The following KIRREL3 variants were observed in gnomAD, a reference collection of about 807,000 sequenced individuals.
The protein encoded by KIRREL3 is kin of IRRE-like protein 3.
A neutral mutation model predicts 89.7 loss-of-function variants in KIRREL3; 36 were observed. The observed-to-expected ratio is 0.40, with a 90% CI of 0.31 to 0.53. The LOEUF is 0.53. KIRREL3 is among the 20% of genes least tolerant of loss of function. The pLI is 0.49. For synonymous variants in KIRREL3, 445 were observed against 441.4 expected (o/e 1.01, Z -0.10); for missense variants, 864 against 1,056.6 (o/e 0.82, Z 2.53).
At position 126,653,683 on chromosome 11, in the gene KIRREL3, G is replaced by T. The variant is rs995580509; in HGVS notation, c.56-90771C>A. Reference sequence around the variant, plus strand: ...GCAGCATTCAATGTGACACGCCAGGGCAATGAGAAACGGGAGGGGCTGCGT... The same window carrying T: ...GCAGCATTCAATGTGACACGCCAGGTCAATGAGAAACGGGAGGGGCTGCGT... On this transcript the variant is annotated intron_variant, in intron 1 of 16. Coordinates refer to ENST00000525144, the MANE Select transcript of KIRREL3 (RefSeq NM_032531.4). The surrounding 1 kb of genome is among the most constrained non-coding windows in gnomAD (Gnocchi z 5.4). Among the ~76,000 whole-genome samples the T allele has an allele frequency of 6.6e-6, 1 of 152,158 alleles. No individual in the cohort carries two copies. The highest frequency in any genetic ancestry group is 1.5e-5 in the Non-Finnish European group (1 of 68,032).
At position 126,601,845 on chromosome 11, in the gene KIRREL3, G is replaced by T. The variant is rs1565584102; in HGVS notation, c.56-38933C>A. Among the ~76,000 whole-genome samples the T allele has an allele frequency of 6.6e-6, 1 of 152,184 alleles. No homozygotes were observed. The highest frequency in any genetic ancestry group is 6.5e-5 in the Admixed American group (1 of 15,280). On this transcript the variant is annotated intron_variant, in intron 1 of 16. Coordinates refer to ENST00000525144, the MANE Select transcript of KIRREL3 (RefSeq NM_032531.4). This position sits in a 1 kb window ranked among gnomAD's most constrained non-coding sequence, Gnocchi z 5.8. ...TGCCATCTCCCGTTTTTAAGGACTGGACTAAAGGTGGAGGTCTTGGCCTGA... is the reference window on the plus strand; with the variant it reads ...TGCCATCTCCCGTTTTTAAGGACTGTACTAAAGGTGGAGGTCTTGGCCTGA...
intron 1 of KIRREL3, among the ~76,000 whole-genome samples, chr11:126,841,346 C>G (rs1298664160): frequency 6.6e-6 from 1 of 152,144 alleles, no homozygotes; most frequent in African/African-American, 2.4e-5. Context: ...GGCGTGTTAA[C>G]CTAGTTGGAA....
In KIRREL3 at chr11:126,635,858, C is replaced by G. The variant is rs1456696972; in HGVS notation, c.56-72946G>C. ...AATGAGACACCCTGTCCTTCTCCCT[C>G]AAGACATCCTCTTTGTTTCTCATTC... On this transcript the variant is annotated intron_variant, in intron 1 of 16. Coordinates refer to ENST00000525144, the MANE Select transcript of KIRREL3 (RefSeq NM_032531.4). The surrounding 1 kb of genome is among the most constrained non-coding windows in gnomAD (Gnocchi z 4.0). Among the ~76,000 whole-genome samples the G allele has an allele frequency of 6.6e-6, 1 of 152,216 alleles. No individual in the cohort carries two copies. Among genetic ancestry groups the G allele is most frequent in the East Asian group, 1.9e-4 (1 of 5,198 alleles).
In KIRREL3 at chr11:126,535,096, G is replaced by A. The variant is rs538726880; in HGVS notation, c.134-8409C>T. 6.6e-6 allele frequency among the ~76,000 whole-genome samples: 1 copy of A among 152,150 alleles called. No homozygotes were observed. Among genetic ancestry groups the A allele is most frequent in the East Asian group, 1.9e-4 (1 of 5,160 alleles). On this transcript the variant is annotated intron_variant, in intron 2 of 16. Coordinates refer to ENST00000525144, the MANE Select transcript of KIRREL3 (RefSeq NM_032531.4). This position sits in a 1 kb window ranked among gnomAD's most constrained non-coding sequence, Gnocchi z 4.5. The stretch of plus-strand genomic sequence containing the variant: ...TGGCCTTTTGGGGGCTCTGGTTATG[G>A]GGCAGAGCTGGGAGCAGGCAGATGG...
rs188898705 is a variant in KIRREL3, at chr11:126,752,588, A to G, written c.56-189676T>C. On this transcript the variant is annotated intron_variant, in intron 1 of 16. Transcript: ENST00000525144. The surrounding 1 kb of genome is among the most constrained non-coding windows in gnomAD (Gnocchi z 4.8). Reference sequence around the variant, plus strand: ...TCAAGTTTGGGTACAATTTCTAAGAATCTATAGTTTAGTGACTCATTGGCA... The same window carrying G: ...TCAAGTTTGGGTACAATTTCTAAGAGTCTATAGTTTAGTGACTCATTGGCA... Among the ~76,000 whole-genome samples the G allele has an allele frequency of 1.0e-3, 152 of 152,318 alleles. No homozygotes were observed. The highest frequency in any genetic ancestry group is 3.5e-3 in the African/African-American group (147 of 41,568).
chr11:126,771,885 GT>G lies in KIRREL3; in HGVS notation c.56-208974del, dbSNP rs1221576688. On this transcript the variant is annotated intron_variant, in intron 1 of 16. Coordinates refer to ENST00000525144, the MANE Select transcript of KIRREL3 (RefSeq NM_032531.4). This position sits in a 1 kb window ranked among gnomAD's most constrained non-coding sequence, Gnocchi z 4.4. ...TGAAGTTCATCTCTGCAATTCCTTT[GT>G]TGACAGGCTGAGCATGCAGCAATAG... is the stretch of plus-strand genomic sequence containing the variant. Among the ~76,000 whole-genome samples, 2 of 152,232 alleles carry G rather than the reference GT, an allele frequency of 1.3e-5. No homozygotes were observed. Among genetic ancestry groups the G allele is most frequent in the Admixed American group, 1.3e-4 (2 of 15,288 alleles).
intron 1 of KIRREL3, among the ~76,000 whole-genome samples, chr11:126,691,170 G>A (rs1252981995): frequency 6.6e-6 from 1 of 151,266 alleles, no homozygotes; most frequent in Non-Finnish European, 1.5e-5. Context: ...GTGTGGATCT[G>A]CAGAAGGTTT....
Position 126,742,440 on chromosome 11 carries a change from G to T in KIRREL3, c.56-179528C>A, listed in dbSNP as rs1306091509. Among the ~76,000 whole-genome samples the T allele has an allele frequency of 6.6e-6, 1 of 152,198 alleles. No individual in the cohort carries two copies. The highest frequency in any genetic ancestry group is 1.5e-5 in the Non-Finnish European group (1 of 68,042). ...AATATGGAATGGCCAACATGAAGCA[G>T]AAGTCAATCTCTTCGTCAGGCTGAA... On this transcript the variant is annotated intron_variant, in intron 1 of 16. Coordinates refer to ENST00000525144, the MANE Select transcript of KIRREL3 (RefSeq NM_032531.4). The surrounding 1 kb of genome is among the most constrained non-coding windows in gnomAD (Gnocchi z 5.3).
chr11:126,746,554 G>A (rs546652992), intron 1 of KIRREL3, among the ~76,000 whole-genome samples: 1 of 152,156 alleles, frequency 6.6e-6, no homozygotes, highest in South Asian at 2.1e-4. Context: ...TTTTCAAAAT[G>A]AAACCTCAAC....
Position 126,677,837 on chromosome 11 carries a change from G to A in KIRREL3, c.56-114925C>T, listed in dbSNP as rs1419302759. On this transcript the variant is annotated intron_variant, in intron 1 of 16. Coordinates refer to ENST00000525144, the MANE Select transcript of KIRREL3 (RefSeq NM_032531.4). The surrounding 1 kb of genome is among the most constrained non-coding windows in gnomAD (Gnocchi z 5.1). ...TCTCCACGAGGCAGAGGAAGTGGCA[G>A]TGGCCTGAGCCCTCAGATACCTGGT... is the stretch of plus-strand genomic sequence containing the variant. Among the ~76,000 whole-genome samples the A allele has an allele frequency of 1.3e-5, 2 of 152,186 alleles. No individual in the cohort carries two copies. Among genetic ancestry groups the A allele is most frequent in the African/African-American group, 4.8e-5 (2 of 41,444 alleles).
In KIRREL3 at chr11:126,896,125, G is replaced by A. The variant is rs1436372391; in HGVS notation, c.55+104330C>T. ...TTCTATTCTTGTTTATCCCTGAAGA[G>A]CACATGTATAGCTTATAGCAAATAA... On this transcript the variant is annotated intron_variant, in intron 1 of 16. Coordinates refer to ENST00000525144, the MANE Select transcript of KIRREL3 (RefSeq NM_032531.4). This position sits in a 1 kb window ranked among gnomAD's most constrained non-coding sequence, Gnocchi z 4.1. Among the ~76,000 whole-genome samples, 1 of 152,216 alleles carries A rather than the reference G, an allele frequency of 6.6e-6. No homozygotes were observed. Among genetic ancestry groups the A allele is most frequent in the Non-Finnish European group, 1.5e-5 (1 of 68,042 alleles).
chr11:126,551,571 T>C lies in KIRREL3; in HGVS notation c.133+11264A>G, dbSNP rs1400382425. On this transcript the variant is annotated intron_variant, in intron 2 of 16. Transcript: ENST00000525144. This position sits in a 1 kb window ranked among gnomAD's most constrained non-coding sequence, Gnocchi z 4.9. ...CCACTGATCCCTTACAGCAAAAGAA[T>C]ATATATGATCATTTAACAATTAGTC... Among the ~76,000 whole-genome samples the C allele has an allele frequency of 6.6e-6, 1 of 151,790 alleles. No homozygotes were observed. The highest frequency in any genetic ancestry group is 1.5e-5 in the Non-Finnish European group (1 of 67,984).
rs1416133030 is a variant in KIRREL3, at chr11:126,918,177, A to C, written c.55+82278T>G. On this transcript the variant is annotated intron_variant, in intron 1 of 16. Coordinates refer to ENST00000525144, the MANE Select transcript of KIRREL3 (RefSeq NM_032531.4). The surrounding 1 kb of genome is among the most constrained non-coding windows in gnomAD (Gnocchi z 6.5). ...GGGAGATGGATGTTACTGAGGCAAA[A>C]GAAATGTTCATTGCCTACTCGCTCA... 1.3e-5 allele frequency among the ~76,000 whole-genome samples: 2 copies of C among 152,222 alleles called. No homozygotes were observed. The highest frequency in any genetic ancestry group is 2.9e-5 in the Non-Finnish European group (2 of 68,040).
At chr11:126,973,409 G>T (rs893071287) in intron 1 of KIRREL3, among the ~76,000 whole-genome samples, 2 of 152,206 alleles carry the variant, frequency 1.3e-5, no homozygotes, top group Non-Finnish European at 2.9e-5. Context: ...GGGGAATCAA[G>T]TCATGAGGGG....
intron 1 of KIRREL3, among the ~76,000 whole-genome samples, chr11:126,629,110 C>T (rs1366067769): frequency 6.6e-6 from 1 of 152,206 alleles, no homozygotes; most frequent in Non-Finnish European, 1.5e-5. Context: ...CAATGATGCA[C>T]ATGTCTTGCT....
Position 126,587,916 on chromosome 11 carries a change from G to C in KIRREL3, c.56-25004C>G, listed in dbSNP as rs1406299967. Among the ~76,000 whole-genome samples, 4 of 152,210 alleles carry C rather than the reference G, an allele frequency of 2.6e-5. No individual in the cohort carries two copies. Among genetic ancestry groups the C allele is most frequent in the Non-Finnish European group, 5.9e-5 (4 of 68,046 alleles). ...ATGACTCTAAGGAGAGCTGGGCCCT[G>C]GTACAGGGAGGGGCAGAGGTCTGTC... On this transcript the variant is annotated intron_variant, in intron 1 of 16. Transcript: ENST00000525144. This position sits in a 1 kb window ranked among gnomAD's most constrained non-coding sequence, Gnocchi z 5.2.
At chr11:126,735,188 T>C in intron 1 of KIRREL3, among the ~76,000 whole-genome samples, 1 of 151,926 alleles carries the variant, frequency 6.6e-6, no homozygotes, top group Admixed American at 6.6e-5. Context: ...TCTGTAAAAG[T>C]TGTAAAATGT....
chr11:126,921,790 TA>T, intron 1 of KIRREL3, among the ~76,000 whole-genome samples: 2 of 150,506 alleles, frequency 1.3e-5, no homozygotes, highest in East Asian at 1.9e-4. Flanking sequence ...TCTATCTATC[TA>T]TCTTCCTATC....
At position 126,578,974 on chromosome 11, in the gene KIRREL3, T is replaced by C. The variant is rs1565566668; in HGVS notation, c.56-16062A>G. On this transcript the variant is annotated intron_variant, in intron 1 of 16. Coordinates refer to ENST00000525144, the MANE Select transcript of KIRREL3 (RefSeq NM_032531.4). This position sits in a 1 kb window ranked among gnomAD's most constrained non-coding sequence, Gnocchi z 4.9. ...GTCTCCATGTGACTTATGAAGACACTGAGGACCAGCAAGGCGAGACAACTG... is the reference window on the plus strand; with the variant it reads ...GTCTCCATGTGACTTATGAAGACACCGAGGACCAGCAAGGCGAGACAACTG... Among the ~76,000 whole-genome samples, 1 of 152,116 alleles carries C rather than the reference T, an allele frequency of 6.6e-6. No homozygotes were observed. Among genetic ancestry groups the C allele is most frequent in the Non-Finnish European group, 1.5e-5 (1 of 68,032 alleles).
Sources: allele counts gnomAD v4.1 joint callset (sites outside exome capture counted in the v4.1 genomes callset), GRCh38; gene constraint gnomAD v4.1.1; non-coding constraint Gnocchi (gnomAD v3.1); transcripts MANE v1.5; gene names NCBI Gene and HGNC (gene_info 2026-07-23, HGNC 2026-07-21).